Variants in KLHL24 observed in about 807,000 individuals in gnomAD.
The protein encoded by KLHL24 is kelch-like protein 24.
KLHL24 carries 29 observed loss-of-function variants against 53.4 expected under a neutral mutation model. The ratio of observed to expected loss-of-function variants is 0.54; its 90% CI spans 0.40 to 0.74. The LOEUF is 0.74. Among genes scored for constraint, KLHL24 ranks in the 30% least tolerant of loss-of-function variants. KLHL24 has a pLI of 0.00. For missense variants in KLHL24, 504 were observed against 744.0 expected, an observed-to-expected ratio of 0.68 and a Z score of 3.75; for synonymous variants, 222 against 253.7, an observed-to-expected ratio of 0.88 and a Z score of 1.19.
Position 183,679,347 on chromosome 3 carries a change from A to G in KLHL24, c.*61A>G. ...CAAGATGGGAGGTTTTAAAAACTCT[A>G]CAGTGGGAACTTCACATATCTCCTT... is the stretch of plus-strand genomic sequence containing the variant. On this transcript the variant is annotated 3_prime_UTR_variant, in exon 8 of 8. Transcript: ENST00000242810. 1.6e-6 allele frequency: 2 copies of G among 1,246,220 alleles called. No individual in the cohort carries two copies. Among genetic ancestry groups the G allele is most frequent in the Non-Finnish European group, 2.3e-6 (2 of 858,580 alleles). 77.2% of individuals were successfully genotyped at this position (1,246,220 alleles called of 1,614,324 possible). A position where few individuals can be genotyped will look rare whatever the true frequency, so the allele number is the denominator to read the frequency against.
chr3:183,639,474 C>A (rs1211392317), intron 1 of KLHL24, among the ~76,000 whole-genome samples: 1 of 150,774 alleles, frequency 6.6e-6, no homozygotes, highest in East Asian at 2.0e-4. Flanking sequence ...ACTAAAAATA[C>A]AAAAAATTAG....
At chr3:183,646,523 C>G (rs745350276) in intron 2 of KLHL24, among the ~76,000 whole-genome samples, 15 of 152,046 alleles carry the variant, frequency 9.9e-5, no homozygotes, top group Non-Finnish European at 2.2e-4. Context: ...GGGGGATAGA[C>G]AGAGAAACAG....
chr3:183,677,200 G>A (rs1385368563), intron 7 of KLHL24, among the ~76,000 whole-genome samples: 3 of 152,032 alleles, frequency 2.0e-5, no homozygotes, highest in Non-Finnish European at 1.5e-5. Context: ...TTAATTACCA[G>A]ACCATGTAAT....
At chr3:183,646,754 A>G (rs527279555) in intron 2 of KLHL24, among the ~76,000 whole-genome samples, 1 of 152,212 alleles carries the variant, frequency 6.6e-6, no homozygotes, top group Non-Finnish European at 1.5e-5. Context: ...AATGGGACAT[A>G]TTGTCTGTGC....
At chr3:183,673,867 A>G (rs1253844813) in intron 7 of KLHL24, among the ~76,000 whole-genome samples, 2 of 152,166 alleles carry the variant, frequency 1.3e-5, no homozygotes, top group African/African-American at 4.8e-5. Flanking sequence ...ACTGCTCAGC[A>G]CTGATGTCTT....
intron 3 of KLHL24, among the ~76,000 whole-genome samples, chr3:183,660,131 C>CTTT (rs11366516): frequency 2.2e-5 from 3 of 135,424 alleles, no homozygotes; most frequent in Non-Finnish European, 4.8e-5. Flanking sequence ...GTTTTTCTTT[C>CTTT]TTTTTTTTTT....
intron 7 of KLHL24, among the ~76,000 whole-genome samples, chr3:183,673,701 A>G (rs1721678444): frequency 6.6e-6 from 1 of 152,066 alleles, no homozygotes; most frequent in South Asian, 2.1e-4. Flanking sequence ...GGCTCTACAC[A>G]TACCACTCTA....
intron 2 of KLHL24, among the ~76,000 whole-genome samples, chr3:183,645,587 CA>C (rs1717110487): frequency 6.6e-6 from 1 of 151,922 alleles, no homozygotes; most frequent in South Asian, 2.1e-4. Context: ...GGAAGAAATC[CA>C]TTTTTTTTTA....
At chr3:183,672,610 A>G (rs1020608611) in intron 7 of KLHL24, 126 bp downstream of exon 7, 1 of 627,592 alleles carries the variant, frequency 1.6e-6, no homozygotes, top group Non-Finnish European at 2.5e-6. Flanking sequence ...CACGCCTGTA[A>G]TCCCAGCACT....
At position 183,681,284 on chromosome 3, in the gene KLHL24, G is replaced by C. The variant is rs916353314; in HGVS notation, c.*1998G>C. On this transcript the variant is annotated 3_prime_UTR_variant, in exon 8 of 8. Transcript: ENST00000242810. ...AGTAAATGAGATAATGTGTGAAAAA[G>C]TATTTTGTAAATGCTGAGGATTCTA... The C allele has an allele frequency of 6.6e-6, 1 of 152,184 alleles. No homozygotes were observed. The highest frequency in any genetic ancestry group is 2.4e-5 in the African/African-American group (1 of 41,412). 9.4% of individuals were successfully genotyped at this position (152,184 alleles called of 1,614,324 possible).
intron 5 of KLHL24, among the ~76,000 whole-genome samples, chr3:183,669,314 T>C (rs113721795): frequency 0.016 from 2,398 of 152,168 alleles, 65 homozygotes; most frequent in African/African-American, 0.052. Context: ...ATCACGCCAT[T>C]GCACTCCAGC....
rs1309515756 is a variant in KLHL24, at chr3:183,678,604, G to C, written c.1603-482G>C. Among the ~76,000 whole-genome samples, 3 of 151,794 alleles carry C rather than the reference G, an allele frequency of 2.0e-5. No homozygotes were observed. The East Asian group carries it at 5.8e-4, about 29-fold the overall frequency. ...CTGTGTCATGGGGGTTTGTTGTACAGATTGTTTCATCATTCAGTTCTTAAG... is the reference window on the plus strand; with the variant it reads ...CTGTGTCATGGGGGTTTGTTGTACACATTGTTTCATCATTCAGTTCTTAAG... On this transcript the variant is annotated intron_variant, in intron 7 of 7. Transcript: ENST00000242810.
intron 2 of KLHL24, among the ~76,000 whole-genome samples, chr3:183,644,656 A>G (rs142566876): frequency 5.1e-4 from 78 of 152,334 alleles, no homozygotes; most frequent in Non-Finnish European, 9.6e-4. Flanking sequence ...CAAGGAGCCA[A>G]CTATGAAAAT....
chr3:183,654,686 A>G (rs1718605990), intron 3 of KLHL24, among the ~76,000 whole-genome samples: 1 of 152,204 alleles, frequency 6.6e-6, no homozygotes. Flanking sequence ...AGGATTAGTC[A>G]TTACATCAGG....
intron 2 of KLHL24, among the ~76,000 whole-genome samples, chr3:183,644,871 C>G (rs777450607): frequency 2.0e-5 from 3 of 152,134 alleles, no homozygotes; most frequent in African/African-American, 7.2e-5. Flanking sequence ...TTAGTTCTTA[C>G]AATGTGCTAT....
At chr3:183,655,409 T>G (rs1223720638) in intron 3 of KLHL24, among the ~76,000 whole-genome samples, 1 of 151,880 alleles carries the variant, frequency 6.6e-6, no homozygotes, top group Non-Finnish European at 1.5e-5. Flanking sequence ...GGGGGTTGCT[T>G]GAGCCCAGGA....
At chr3:183,674,425 A>G (rs1301623563) in intron 7 of KLHL24, among the ~76,000 whole-genome samples, 1 of 150,978 alleles carries the variant, frequency 6.6e-6, no homozygotes, top group African/African-American at 2.4e-5. Flanking sequence ...CAATGGCGCG[A>G]TCTCCACACA....
intron 5 of KLHL24, among the ~76,000 whole-genome samples, chr3:183,668,770 T>C (rs1983386): frequency 0.27 from 40,489 of 152,066 alleles, 5,469 homozygotes; most frequent in Middle Eastern, 0.32. Context: ...CTGGGCATAG[T>C]GGCGGACACC....
At chr3:183,640,577 C>CT (rs1485885078) in intron 1 of KLHL24, among the ~76,000 whole-genome samples, 2 of 139,850 alleles carry the variant, frequency 1.4e-5, no homozygotes, top group East Asian at 4.1e-4. Flanking sequence ...GTTACCTTTT[C>CT]TTTTTTTTCT....
Sources: allele counts gnomAD v4.1 joint callset (sites outside exome capture counted in the v4.1 genomes callset), GRCh38; gene constraint gnomAD v4.1.1; transcripts MANE v1.5; gene names NCBI Gene and HGNC (gene_info 2026-07-23, HGNC 2026-07-21).